Variants in RBM45 observed in about 807,000 individuals in gnomAD.
RBM45 encodes RNA binding motif protein 45.
Under a neutral mutation model 58.5 loss-of-function variants are expected in RBM45, and 39 were observed. The ratio of observed to expected loss-of-function variants is 0.67; its 90% CI spans 0.52 to 0.87. The LOEUF is 0.87. Ranked by LOEUF, RBM45 falls within the 40% of genes least tolerant of loss-of-function variation. The pLI, the probability that RBM45 is intolerant of heterozygous loss-of-function variation, is 0.00. For synonymous variants in RBM45, 193 were observed against 203.0 expected, an observed-to-expected ratio of 0.95 and a Z score of 0.42; for missense variants, 481 against 581.6, an observed-to-expected ratio of 0.83 and a Z score of 1.78.
In RBM45 at chr2:178,112,710, G is replaced by A. The variant is rs1362004568; in HGVS notation, c.164G>A (p.Trp55Ter). ...CCTTTTGGCGACATCCAGGACATCT[G>A]GGTGGTGCGGGACAAGCACACCAAG... ...FSPFGDIQDI[W>*]VVRDKHTKES... Residue 55 changes from tryptophan (W) to a stop codon, truncating the protein, a stop_gained, in exon 1 of 10, where the codon TGG becomes TAG. Transcript: ENST00000286070. LOFTEE classifies it high-confidence loss of function. 1.9e-6 allele frequency: 3 copies of A among 1,614,110 alleles called. No homozygotes were observed. In the African/African-American group the frequency reaches 4.0e-5, roughly 22 times the overall value.
Position 178,123,850 on chromosome 2 carries a change from C to G in RBM45, c.1006C>G (p.Gln336Glu), listed in dbSNP as rs2087889962. 1 of 1,613,870 alleles carries G rather than the reference C, an allele frequency of 6.2e-7. No homozygotes were observed. The highest frequency in any genetic ancestry group is 1.7e-5 in the Admixed American group (1 of 59,984). ...ATDLLRKMAT[Q>E]MVAAQLASMV... ...CAGTCTCCTTAGAAAAATGGCAACA[C>G]AGATGGTAGCTGCACAGCTTGCATC... The change falls in exon 7 of 10, where the codon CAG becomes GAG. Residue 336 changes from glutamine to glutamate, a missense_variant. Gln to Glu is a conservative substitution (Grantham distance 29). Coordinates refer to ENST00000286070, the MANE Select transcript of RBM45 (RefSeq NM_152945.4).
At chr2:178,131,347 A>T (rs1337673137), downstream of RBM45, among the ~76,000 whole-genome samples, 1 of 152,220 alleles carries the variant, frequency 6.6e-6, no homozygotes, top group Non-Finnish European at 1.5e-5. Flanking sequence ...TATAGAAAGG[A>T]GCTCTCTACC....
intron 3 of RBM45, among the ~76,000 whole-genome samples, chr2:178,136,049 G>T (rs185918360): frequency 7.2e-5 from 11 of 152,150 alleles, no homozygotes; most frequent in Admixed American, 7.2e-4. Flanking sequence ...GATGGCTCAC[G>T]CCTGTAATCC....
chr2:178,121,888 C>T (rs994623865), intron 5 of RBM45, among the ~76,000 whole-genome samples: 1 of 152,142 alleles, frequency 6.6e-6, no homozygotes, highest in Non-Finnish European at 1.5e-5. Flanking sequence ...GCCATTTGAA[C>T]TTATTAATTA....
chr2:178,117,963 G>A, intron 2 of RBM45, 92 bp from the exon 3 acceptor site: 1 of 987,394 alleles, frequency 1.0e-6, no homozygotes, highest in Non-Finnish European at 1.4e-6. Context: ...TTGTTTGCAT[G>A]CAAGGGTCAC....
At chr2:178,116,510 T>A in intron 2 of RBM45, 126 bp downstream of exon 2, 1 of 662,310 alleles carries the variant, frequency 1.5e-6, no homozygotes, top group Non-Finnish European at 2.3e-6. Flanking sequence ...CATAACTGCT[T>A]TCATCAATTT....
intron 1 of RBM45, among the ~76,000 whole-genome samples, chr2:178,115,967 A>C (rs80228181): frequency 6.6e-6 from 1 of 152,032 alleles, no homozygotes; most frequent in Admixed American, 6.6e-5. Flanking sequence ...ATCCTGGACA[A>C]CATAGCAAGA....
In RBM45 at chr2:178,124,889, A is replaced by G. The variant is rs1222640940; in HGVS notation, c.1232+599A>G. Reference sequence around the variant, plus strand: ...GGATCCTTAAGGGTTATGCAGTCGCATTGTGTAAACAATTACTTGATTGTA... The same window carrying G: ...GGATCCTTAAGGGTTATGCAGTCGCGTTGTGTAAACAATTACTTGATTGTA... On this transcript the variant is annotated intron_variant, in intron 8 of 9. Coordinates refer to ENST00000286070, the MANE Select transcript of RBM45 (RefSeq NM_152945.4). Among the ~76,000 whole-genome samples the G allele has an allele frequency of 2.6e-5, 4 of 152,266 alleles. No individual in the cohort carries two copies. In the East Asian group the frequency reaches 7.7e-4, roughly 29 times the overall value.
At chr2:178,133,689 A>G (rs1340264600), downstream of RBM45, among the ~76,000 whole-genome samples, 1 of 152,242 alleles carries the variant, frequency 6.6e-6, no homozygotes, top group African/African-American at 2.4e-5. Context: ...GAGGTATGCC[A>G]CACACAGGCT....
intron 9 of RBM45, among the ~76,000 whole-genome samples, chr2:178,128,953 T>C (rs2087971877): frequency 6.6e-6 from 1 of 152,190 alleles, no homozygotes; most frequent in Non-Finnish European, 1.5e-5. Context: ...TGTTTGTTTC[T>C]TTAATTTTTA....
At chr2:178,121,121 T>G in intron 4 of RBM45, 59 bp from the exon 5 acceptor site, 1 of 826,078 alleles carries the variant, frequency 1.2e-6, no homozygotes, top group Non-Finnish European at 1.9e-6. Flanking sequence ...TTTAAAATGT[T>G]AAGCGAATTG....
At chr2:178,131,883 A>C (rs892325332), downstream of RBM45, among the ~76,000 whole-genome samples, 1 of 152,176 alleles carries the variant, frequency 6.6e-6, no homozygotes, top group Non-Finnish European at 1.5e-5. Context: ...GAATGAGGAA[A>C]TTCTAGAACC....
chr2:178,126,920 G>T lies in RBM45; in HGVS notation c.*8+736G>T, dbSNP rs973101800. ...AGTGAGTTTATATCTGTGTGGTTTGGGGAAACATTCCTTAAAGTTTGACTT... is the reference window on the plus strand; with the variant it reads ...AGTGAGTTTATATCTGTGTGGTTTGTGGAAACATTCCTTAAAGTTTGACTT... On this transcript the variant is annotated intron_variant, in intron 9 of 9. Transcript: ENST00000286070. Among the ~76,000 whole-genome samples the T allele has an allele frequency of 1.7e-4, 26 of 152,034 alleles. No individual in the cohort carries two copies. In the East Asian group the frequency reaches 4.8e-3, roughly 28 times the overall value.
chr2:178,125,911 T>C (rs2087922855), intron 8 of RBM45, 73 bp from the exon 9 acceptor site: 6 of 1,221,406 alleles, frequency 4.9e-6, no homozygotes, highest in Non-Finnish European at 7.2e-6. Flanking sequence ...GAGTCAAGAA[T>C]GGACTCCAAA....
Position 178,124,262 on chromosome 2 carries a change from C to T in RBM45, c.1204C>T (p.Pro402Ser), listed in dbSNP as rs1235718111. 6.4e-7 allele frequency: 1 copy of T among 1,573,462 alleles called. No homozygotes were observed. Among genetic ancestry groups the T allele is most frequent in the East Asian group, 2.2e-5 (1 of 44,582 alleles). ...LFIVFNPHPL[P>S]LDVLEDIFCR... ...TATTGTGTTTAATCCTCATCCTTTA[C>T]CTTTAGACGTATTAGAAGATATATT... Residue 402 changes from proline (P) to serine (S), a missense_variant, in exon 8 of 10, where the codon CCT becomes TCT. Coordinates refer to ENST00000286070, the MANE Select transcript of RBM45 (RefSeq NM_152945.4).
chr2:178,135,601 C>T (rs1043121891), intron 3 of RBM45, among the ~76,000 whole-genome samples: 1 of 152,162 alleles, frequency 6.6e-6, no homozygotes, highest in African/African-American at 2.4e-5. Flanking sequence ...TAAAGATTAG[C>T]AATGTGCCTG....
intron 1 of RBM45, among the ~76,000 whole-genome samples, chr2:178,115,557 T>C (rs1448918180): frequency 6.6e-6 from 1 of 152,186 alleles, no homozygotes; most frequent in Non-Finnish European, 1.5e-5. Flanking sequence ...AAGTAGACTA[T>C]AAAGGGATAT....
At chr2:178,124,313 T>G in intron 8 of RBM45, 23 bp downstream of exon 8, 1 of 1,419,922 alleles carries the variant, frequency 7.0e-7, no homozygotes, top group Non-Finnish European at 9.6e-7. Context: ...CATTTTTTGT[T>G]ATATTTTATT....
rs910486103 is a variant in RBM45 at position 178,129,478 on chromosome 2, CT to C, written c.*101del. ...CGCATTCCCTGTGGACAGTTGACAG[CT>C]TTTTTTTTTTCCATATACCTGATAG... is the stretch of plus-strand genomic sequence containing the variant. On this transcript the variant is annotated 3_prime_UTR_variant, in exon 10 of 10. Coordinates refer to ENST00000286070, the MANE Select transcript of RBM45 (RefSeq NM_152945.4). 3.7e-4 allele frequency: 55 copies of C among 146,982 alleles called. No individual in the cohort carries two copies. The highest frequency in any genetic ancestry group is 2.9e-4 in the Non-Finnish European group (19 of 66,248). 9.1% of individuals were successfully genotyped at this position (146,982 alleles called of 1,614,324 possible). A position where few individuals can be genotyped will look rare whatever the true frequency, so the allele number is the denominator to read the frequency against.
Sources: gnomAD v4.1 joint callset for allele counts (sites outside exome capture counted in the v4.1 genomes callset) on GRCh38, gnomAD v4.1.1 for gene constraint, MANE v1.5 for transcripts, NCBI Gene and HGNC (gene_info 2026-07-23, HGNC 2026-07-21) for gene names.